PDGFD: variants seen among roughly 807,000 people sequenced by gnomAD.
PDGFD encodes platelet-derived growth factor D.
Under a neutral mutation model 44.7 loss-of-function variants are expected in PDGFD, and 30 were observed. The observed-to-expected ratio is 0.67, with a 90% CI of 0.50 to 0.91. The LOEUF is 0.91. Among genes scored for constraint, PDGFD ranks in the 40% least tolerant of loss-of-function variants. The pLI, the probability that PDGFD is intolerant of heterozygous loss-of-function variation, is 0.00. For synonymous variants in PDGFD, 173 were observed against 168.4 expected (o/e 1.03, Z -0.21); for missense variants, 445 against 457.8 (o/e 0.97, Z 0.25).
chr11:103,977,875 A>G (rs1591104127), intron 3 of PDGFD, among the ~76,000 whole-genome samples: 1 of 152,172 alleles, frequency 6.6e-6, no homozygotes, highest in Middle Eastern at 3.4e-3. Flanking sequence ...AAATGATAAG[A>G]TGAGGTTGTT....
chr11:104,057,913 T>C (rs1314563408), intron 1 of PDGFD, among the ~76,000 whole-genome samples: 1 of 152,164 alleles, frequency 6.6e-6, no homozygotes, highest in Non-Finnish European at 1.5e-5. Context: ...AATAATTTAA[T>C]GCGGAAAGAT....
intron 1 of PDGFD, among the ~76,000 whole-genome samples, chr11:104,018,967 A>G (rs1223014180): frequency 2.0e-5 from 3 of 152,092 alleles, no homozygotes; most frequent in Non-Finnish European, 4.4e-5. Flanking sequence ...CCTCGGCTCC[A>G]AGCACTTCCC....
In PDGFD at chr11:103,909,487, T is replaced by C; in HGVS notation, c.*207A>G. Reference sequence around the variant, plus strand: ...CCTCAAACACTATTATTAAATGCAATCCTATATTCTTAGGTATAGAAGTTG... The same window carrying C: ...CCTCAAACACTATTATTAAATGCAACCCTATATTCTTAGGTATAGAAGTTG... On this transcript the variant is annotated 3_prime_UTR_variant, in exon 7 of 7. Transcript: ENST00000393158. 1 of 565,168 alleles carries C rather than the reference T, an allele frequency of 1.8e-6. No individual in the cohort carries two copies. The highest frequency in any genetic ancestry group is 2.2e-5 in the South Asian group (1 of 45,062). The allele number at this position is 565,168 out of a possible 1,614,324, so 35.0% of individuals were successfully genotyped here. A position where few individuals can be genotyped will look rare whatever the true frequency, so the allele number is the denominator to read the frequency against.
At chr11:104,097,542 G>C (rs751343393) in intron 1 of PDGFD, among the ~76,000 whole-genome samples, 1 of 152,146 alleles carries the variant, frequency 6.6e-6, no homozygotes, top group African/African-American at 2.4e-5. Context: ...GAGGTGCTCC[G>C]TAAGTGGTTA....
intron 3 of PDGFD, among the ~76,000 whole-genome samples, chr11:103,963,515 G>A (rs758436765): frequency 3.3e-5 from 5 of 151,998 alleles, no homozygotes; most frequent in Admixed American, 2.0e-4. Context: ...CTACGATATC[G>A]TTCGTACAAA....
chr11:104,027,383 A>C (rs1860057464), intron 1 of PDGFD, among the ~76,000 whole-genome samples: 1 of 152,224 alleles, frequency 6.6e-6, no homozygotes, highest in African/African-American at 2.4e-5. Flanking sequence ...CCAGGTTATT[A>C]ATTATTGTTT....
rs1164258411 is a variant in PDGFD at position 104,000,134 on chromosome 11, C to A, written c.246G>T (p.Arg82=). The change falls in exon 2 of 7, where the codon CGG becomes CGT. Residue 82 remains arginine (R), a synonymous_variant. Coordinates refer to ENST00000393158, the MANE Select transcript of PDGFD (RefSeq NM_025208.5). The stretch of plus-strand genomic sequence containing the variant: ...TCCGTGTATTCTCCTGAGAGTGAAG[C>A]CGCCATGTCAGGAGCAGGTTCCTGG... ...SYPRNLLLTW[R]LHSQENTRIQ... 1 of 1,613,960 alleles carries A rather than the reference C, an allele frequency of 6.2e-7. No homozygotes were observed. The highest frequency in any genetic ancestry group is 2.2e-5 in the East Asian group (1 of 44,880).
chr11:104,078,560 G>GTT, intron 1 of PDGFD, among the ~76,000 whole-genome samples: 1 of 48,554 alleles, frequency 2.1e-5, no homozygotes. Context: ...ACCCATATTT[G>GTT]CCTCCTTATA....
chr11:103,936,888 C>T (rs1174385164), intron 5 of PDGFD, among the ~76,000 whole-genome samples: 1 of 151,572 alleles, frequency 6.6e-6, no homozygotes, highest in African/African-American at 2.4e-5. Flanking sequence ...TGCAGTGGTG[C>T]AGTCACAGCC....
chr11:104,014,238 G>A (rs926029653), intron 1 of PDGFD, among the ~76,000 whole-genome samples: 1 of 152,114 alleles, frequency 6.6e-6, no homozygotes, highest in Non-Finnish European at 1.5e-5. Flanking sequence ...GCTTATGCCT[G>A]CAATCCCAGC....
Position 104,006,150 on chromosome 11 carries a change from T to C in PDGFD, c.125-5895A>G, listed in dbSNP as rs188798645. Among the ~76,000 whole-genome samples, 9 of 152,320 alleles carry C rather than the reference T, an allele frequency of 5.9e-5. No individual in the cohort carries two copies. In the East Asian group the frequency reaches 1.7e-3, roughly 29 times the overall value. ...ATCCATCTAGACCAATGGTTTGCTA[T>C]ATGTGGTCCCCAGAGCATCATTATT... On this transcript the variant is annotated intron_variant, in intron 1 of 6. Transcript: ENST00000393158.
At chr11:104,107,234 A>T (rs1473427355) in intron 1 of PDGFD, among the ~76,000 whole-genome samples, 1 of 152,204 alleles carries the variant, frequency 6.6e-6, no homozygotes, top group East Asian at 1.9e-4. Flanking sequence ...AAGAGGGTCG[A>T]TCTATAGGTA....
intron 1 of PDGFD, among the ~76,000 whole-genome samples, chr11:104,027,582 A>G (rs1450652281): frequency 6.6e-6 from 1 of 152,214 alleles, no homozygotes; most frequent in African/African-American, 2.4e-5. Flanking sequence ...ATTCAGATAA[A>G]AAGTGACAAA....
At chr11:103,996,447 A>G (rs1195981923) in intron 2 of PDGFD, among the ~76,000 whole-genome samples, 1 of 152,220 alleles carries the variant, frequency 6.6e-6, no homozygotes, top group African/African-American at 2.4e-5. Flanking sequence ...CTATTCTGAG[A>G]AAACCTTTAC....
chr11:104,085,234 A>T (rs1260870081), intron 1 of PDGFD, among the ~76,000 whole-genome samples: 4 of 152,106 alleles, frequency 2.6e-5, no homozygotes, highest in Non-Finnish European at 4.4e-5. Flanking sequence ...CATACCTTTC[A>T]TCCAATTTTA....
At position 104,058,192 on chromosome 11, in the gene PDGFD, CTT is replaced by C. The variant is rs1305701945; in HGVS notation, c.125-57939_125-57938del. 1.3e-4 allele frequency among the ~76,000 whole-genome samples: 20 copies of C among 152,296 alleles called. No homozygotes were observed. The East Asian group carries it at 3.5e-3, about 26-fold the overall frequency. On this transcript the variant is annotated intron_variant, in intron 1 of 6. Coordinates refer to ENST00000393158, the MANE Select transcript of PDGFD (RefSeq NM_025208.5). ...AAAATTAAAAACTCTTGGATAAACA[CTT>C]TAAGAAACTGAAAAGTTAAACCTCT... is the stretch of plus-strand genomic sequence containing the variant.
At chr11:103,971,055 C>G (rs1393573806) in intron 3 of PDGFD, among the ~76,000 whole-genome samples, 1 of 152,118 alleles carries the variant, frequency 6.6e-6, no homozygotes, top group Non-Finnish European at 1.5e-5. Flanking sequence ...TTAGGAGAGT[C>G]ATGTGTTTTA....
chr11:103,926,912 C>T lies in PDGFD; in HGVS notation c.987G>A (p.Glu329=). The T allele has an allele frequency of 6.2e-7, 1 of 1,612,572 alleles. No homozygotes were observed. The highest frequency in any genetic ancestry group is 2.2e-5 in the East Asian group (1 of 44,840). ...NSGKTVKKYH[E]VLQFEPGHIK... ...AACAAGAAATCTAAGAATGACATACCTCATGATACTTTTTCACGGTTTTCC... is the reference window on the plus strand; with the variant it reads ...AACAAGAAATCTAAGAATGACATACTTCATGATACTTTTTCACGGTTTTCC... The change falls in exon 6 of 7, where the codon GAG becomes GAA. Residue 329 remains glutamate, a splice_region_variant and synonymous_variant. Transcript: ENST00000393158.
chr11:103,947,825 G>T, intron 3 of PDGFD, 101 bp from the exon 4 acceptor site: 1 of 878,300 alleles, frequency 1.1e-6, no homozygotes, highest in South Asian at 1.4e-5. Flanking sequence ...TTCCAACTAA[G>T]TGACAACAGA....
Sources: allele counts gnomAD v4.1 joint callset (sites outside exome capture counted in the v4.1 genomes callset), GRCh38; gene constraint gnomAD v4.1.1; transcripts MANE v1.5; gene names NCBI Gene and HGNC (gene_info 2026-07-23, HGNC 2026-07-21).